Variants in NAV2 observed in about 807,000 individuals in gnomAD.
NAV2 encodes the protein neuron navigator 2.
In NAV2, 54 loss-of-function variants were observed where a neutral mutation model predicts 223.2. The ratio of observed to expected loss-of-function variants is 0.24; its 90% CI spans 0.19 to 0.30. NAV2 has a LOEUF of 0.30. NAV2 is among the 10% of genes least tolerant of loss of function. The pLI, the probability that NAV2 is intolerant of heterozygous loss-of-function variation, is 1.00. For missense variants in NAV2, 2,806 were observed against 3,147.5 expected (o/e 0.89, Z 2.60); for synonymous variants, 1,279 against 1,239.3 (o/e 1.03, Z -0.67).
chr11:19,555,012 C>CAA (rs66625282), intron 1 of NAV2, among the ~76,000 whole-genome samples: 3,979 of 141,526 alleles, frequency 0.028, 96 homozygotes, highest in African/African-American at 0.052. Context: ...CCATGTTTTG[C>CAA]AAAAAAAAAA....
chr11:19,597,289 T>C (rs1156918789), intron 1 of NAV2, among the ~76,000 whole-genome samples: 1 of 152,222 alleles, frequency 6.6e-6, no homozygotes, highest in Non-Finnish European at 1.5e-5. Flanking sequence ...AAAGAGTTGA[T>C]TCAGCTGTTT....
Position 19,481,533 on chromosome 11 carries a change from G to A in NAV2, c.75+130506G>A, listed in dbSNP as rs532351623. On this transcript the variant is annotated intron_variant, in intron 1 of 37. Transcript: ENST00000360655. ...CTCTTCCACTTATTAATTGGGTGTT[G>A]CAGGGCAAAATACTTAAGCCCTCTA... is the stretch of plus-strand genomic sequence containing the variant. Among the ~76,000 whole-genome samples, 3 of 152,302 alleles carry A rather than the reference G, an allele frequency of 2.0e-5. No homozygotes were observed. In the East Asian group the frequency reaches 5.8e-4, roughly 29 times the overall value.
At chr11:19,520,577 T>C (rs2043617310) in intron 1 of NAV2, among the ~76,000 whole-genome samples, 1 of 152,208 alleles carries the variant, frequency 6.6e-6, no homozygotes, top group African/African-American at 2.4e-5. Context: ...TCTATGCAAA[T>C]GCTGTTCCCC....
chr11:19,884,201 C>T lies in NAV2; in HGVS notation c.770+4074C>T, dbSNP rs1479483353. 7.9e-6 allele frequency: 7 copies of T among 881,636 alleles called. No homozygotes were observed. In the Admixed American group the frequency reaches 9.7e-5, roughly 12 times the overall value. 54.6% of individuals were successfully genotyped at this position (881,636 alleles called of 1,614,324 possible). A position where few individuals can be genotyped will look rare whatever the true frequency, so the allele number is the denominator to read the frequency against. On this transcript the variant is annotated intron_variant, in intron 5 of 37. Coordinates refer to ENST00000349880, the MANE Select transcript of NAV2 (RefSeq NM_145117.5). ...CAGGGGGGGAAAGAAACAGCAACATCCCCATTGTCAGAAGACTCTTAGGAT... is the reference window on the plus strand; with the variant it reads ...CAGGGGGGGAAAGAAACAGCAACATTCCCATTGTCAGAAGACTCTTAGGAT...
At chr11:19,789,260 G>T (rs1219217071) in intron 1 of NAV2, among the ~76,000 whole-genome samples, 1 of 152,156 alleles carries the variant, frequency 6.6e-6, no homozygotes, top group African/African-American at 2.4e-5. Context: ...AGATGCCCAA[G>T]AAATCACTGT....
chr11:19,664,493 A>G (rs1026675708), intron 1 of NAV2, among the ~76,000 whole-genome samples: 1 of 152,198 alleles, frequency 6.6e-6, no homozygotes, highest in African/African-American at 2.4e-5. Context: ...TCATGAGTCC[A>G]AGCTTAATTT....
chr11:19,537,345 C>G (rs758894867), intron 1 of NAV2, among the ~76,000 whole-genome samples: 1 of 152,172 alleles, frequency 6.6e-6, no homozygotes, highest in African/African-American at 2.4e-5. Flanking sequence ...AAGCCAACCT[C>G]ACAACAACCT....
chr11:19,622,340 A>G (rs1218963910), intron 1 of NAV2, among the ~76,000 whole-genome samples: 1 of 152,126 alleles, frequency 6.6e-6, no homozygotes. Flanking sequence ...TGATCTGTCT[A>G]ATGTTGACAG....
At chr11:19,863,684 C>T (rs564043348) in intron 3 of NAV2, among the ~76,000 whole-genome samples, 139 of 152,288 alleles carry the variant, frequency 9.1e-4, no homozygotes, top group African/African-American at 3.2e-3. Flanking sequence ...TTAGGTCTTC[C>T]TTCCTGTGTA....
At chr11:19,913,897 G>A (rs1288338488) in intron 6 of NAV2, among the ~76,000 whole-genome samples, 2 of 152,222 alleles carry the variant, frequency 1.3e-5, no homozygotes, top group East Asian at 1.9e-4. Flanking sequence ...CTACAACTCT[G>A]GATAAAACCT....
intron 11 of NAV2, among the ~76,000 whole-genome samples, chr11:19,997,194 T>A (rs187905307): frequency 6.6e-6 from 1 of 152,266 alleles, no homozygotes; most frequent in Admixed American, 6.5e-5. Flanking sequence ...TCACCTCCTA[T>A]GGGGTGCAAA....
intron 1 of NAV2, among the ~76,000 whole-genome samples, chr11:19,488,728 C>T (rs556527318): frequency 1.3e-5 from 2 of 152,314 alleles, no homozygotes; most frequent in South Asian, 2.1e-4. Context: ...ATAATAAATT[C>T]CACCTTTGCA....
At chr11:19,463,800 T>G (rs1852249154) in intron 1 of NAV2, among the ~76,000 whole-genome samples, 1 of 149,896 alleles carries the variant, frequency 6.7e-6, no homozygotes, top group Non-Finnish European at 1.5e-5. Context: ...TTGGGGGAAC[T>G]GGAAGGACAG....
chr11:19,740,556 A>AT (rs2052710378), intron 1 of NAV2, among the ~76,000 whole-genome samples: 1 of 152,154 alleles, frequency 6.6e-6, no homozygotes, highest in African/African-American at 2.4e-5. Context: ...AGAATGATCA[A>AT]TAAATACTAA....
chr11:19,595,499 G>A (rs1056399521), intron 1 of NAV2, among the ~76,000 whole-genome samples: 1 of 152,196 alleles, frequency 6.6e-6, no homozygotes, highest in Non-Finnish European at 1.5e-5. Context: ...ACACAGAGGG[G>A]TTTTACAACT....
chr11:19,401,718 G>T (rs887958207), intron 1 of NAV2, among the ~76,000 whole-genome samples: 1 of 152,144 alleles, frequency 6.6e-6, no homozygotes, highest in Non-Finnish European at 1.5e-5. Context: ...TGAGCATGTG[G>T]CATATTCCAT....
At chr11:19,724,999 T>G (rs2051119994) in intron 1 of NAV2, among the ~76,000 whole-genome samples, 1 of 152,240 alleles carries the variant, frequency 6.6e-6, no homozygotes, top group Admixed American at 6.5e-5. Flanking sequence ...TGGGTGGTTA[T>G]AGCATTTCAA....
At chr11:19,630,369 C>T (rs1219689073) in intron 1 of NAV2, among the ~76,000 whole-genome samples, 3 of 152,040 alleles carry the variant, frequency 2.0e-5, no homozygotes, top group African/African-American at 7.2e-5. Flanking sequence ...TTAGCTTCTC[C>T]AGATTTTTGT....
intron 1 of NAV2, among the ~76,000 whole-genome samples, chr11:19,415,716 T>C (rs574008421): frequency 6.6e-6 from 1 of 152,302 alleles, no homozygotes; most frequent in South Asian, 2.1e-4. Context: ...GCAAATTGAA[T>C]CCAGCAGCAC....
Sources: gnomAD v4.1 joint callset for allele counts (sites outside exome capture counted in the v4.1 genomes callset) on GRCh38, gnomAD v4.1.1 for gene constraint, MANE v1.5 for transcripts, NCBI Gene and HGNC (gene_info 2026-07-23, HGNC 2026-07-21) for gene names.